CTNND2: variants seen among roughly 807,000 people sequenced by gnomAD.
The protein encoded by CTNND2 is catenin delta 2.
CTNND2 carries 22 observed loss-of-function variants against 144.4 expected under a neutral mutation model. The observed-to-expected ratio is 0.15, with a 90% CI of 0.11 to 0.22. The LOEUF (loss-of-function observed/expected upper bound fraction) is 0.22, where lower values mean the gene tolerates loss of function less well. Among genes scored for constraint, CTNND2 ranks in the 10% least tolerant of loss-of-function variants. CTNND2 has a pLI of 1.00. For missense variants in CTNND2, 1,353 were observed against 1,618.8 expected (o/e 0.84, Z 2.82); for synonymous variants, 751 against 695.6 (o/e 1.08, Z -1.25).
At chr5:11,112,128 C>T (rs1010162807) in intron 13 of CTNND2, among the ~76,000 whole-genome samples, 2 of 152,172 alleles carry the variant, frequency 1.3e-5, no homozygotes, top group African/African-American at 4.8e-5. Flanking sequence ...GGATTACAGT[C>T]GTGAGCCACC....
At chr5:11,546,613 A>G (rs1034884) in intron 3 of CTNND2, among the ~76,000 whole-genome samples, 34,047 of 152,158 alleles carry the variant, frequency 0.22, 4,662 homozygotes, top group African/African-American at 0.39. Context: ...TTTTTTAAAA[A>G]AAAGAACATT....
At position 11,311,329 on chromosome 5, in the gene CTNND2, GC is replaced by G. The variant is rs1750821803; in HGVS notation, c.1628+35042del. 1.4e-3 allele frequency among the ~76,000 whole-genome samples: 89 copies of G among 63,720 alleles called. 1 individual carries two copies. The highest frequency in any genetic ancestry group is 1.9e-3 in the African/African-American group (33 of 17,236). 41.8% of individuals were successfully genotyped at this position (63,720 alleles called of 152,430 possible). A position where few individuals can be genotyped will look rare whatever the true frequency, so the allele number is the denominator to read the frequency against. Reference sequence around the variant, plus strand: ...ATACCCACTCACCCTCACCCCACATGCCCTCACACTCCCCATACACCCTCAA... The same window carrying G: ...ATACCCACTCACCCTCACCCCACATGCCTCACACTCCCCATACACCCTCAA... On this transcript the variant is annotated intron_variant, in intron 9 of 21. Coordinates refer to ENST00000304623, the MANE Select transcript of CTNND2 (RefSeq NM_001332.4).
At chr5:11,706,892 T>C (rs1156309386) in intron 2 of CTNND2, among the ~76,000 whole-genome samples, 3 of 152,016 alleles carry the variant, frequency 2.0e-5, no homozygotes, top group Non-Finnish European at 4.4e-5. Context: ...GAGACCATCC[T>C]GGCTAACGCG....
chr5:11,090,017 T>A (rs918120358), intron 15 of CTNND2, among the ~76,000 whole-genome samples: 3 of 151,898 alleles, frequency 2.0e-5, no homozygotes, highest in African/African-American at 7.3e-5. Flanking sequence ...TCAAAAAAAA[T>A]AAATAGATAG....
intron 21 of CTNND2, 107 bp downstream of exon 21, chr5:10,981,666 T>G: frequency 8.8e-7 from 1 of 1,138,298 alleles, no homozygotes; most frequent in East Asian, 2.4e-5. Context: ...GTTGCCTTCT[T>G]TTTCAGTTCT....
In CTNND2 at chr5:10,973,135, C is replaced by T. The variant is rs576025265; in HGVS notation, c.*318G>A. The T allele has an allele frequency of 1.3e-5, 3 of 236,932 alleles. No homozygotes were observed. Among genetic ancestry groups the T allele is most frequent in the Admixed American group, 5.2e-5 (1 of 19,402 alleles). The allele number at this position is 236,932 out of a possible 1,614,324, so 14.7% of individuals were successfully genotyped here. On this transcript the variant is annotated 3_prime_UTR_variant, in exon 22 of 22. Transcript: ENST00000304623. The surrounding 1 kb of genome is among the most constrained non-coding windows in gnomAD (Gnocchi z 5.6). ...CTTAACGATAACCCTTACGCCCCAC[C>T]GGCCCGAATGCCTCGTCTCTCCTCC... is the stretch of plus-strand genomic sequence containing the variant.
At chr5:11,626,717 C>T (rs1781174601) in intron 2 of CTNND2, among the ~76,000 whole-genome samples, 1 of 152,146 alleles carries the variant, frequency 6.6e-6, no homozygotes, top group African/African-American at 2.4e-5. Context: ...ATCACATCCA[C>T]AGAAATATAC....
intron 9 of CTNND2, among the ~76,000 whole-genome samples, chr5:11,292,592 ACTCT>A (rs1324119128): frequency 6.6e-6 from 1 of 151,476 alleles, no homozygotes; most frequent in Non-Finnish European, 1.5e-5. Context: ...TCCTTCACAC[ACTCT>A]CTCTTGCCTG....
At chr5:11,287,573 A>T (rs1747881732) in intron 9 of CTNND2, among the ~76,000 whole-genome samples, 1 of 152,244 alleles carries the variant, frequency 6.6e-6, no homozygotes, top group Admixed American at 6.5e-5. Flanking sequence ...ACATATATGA[A>T]TGGCATCCTT....
At chr5:11,461,839 G>A (rs1766252259) in intron 3 of CTNND2, among the ~76,000 whole-genome samples, 1 of 152,190 alleles carries the variant, frequency 6.6e-6, no homozygotes, top group Non-Finnish European at 1.5e-5. Context: ...GATTCTCAGA[G>A]ATACTGTGCA....
intron 10 of CTNND2, 29 bp downstream of exon 10, chr5:11,236,662 A>C: frequency 6.2e-7 from 1 of 1,612,242 alleles, no homozygotes; most frequent in Non-Finnish European, 8.5e-7. Context: ...ATCTGACACC[A>C]ATCATTTCAG....
intron 9 of CTNND2, among the ~76,000 whole-genome samples, chr5:11,243,552 C>T (rs1035165013): frequency 2.0e-5 from 3 of 152,202 alleles, no homozygotes; most frequent in African/African-American, 4.8e-5. Context: ...AAACTCGTAA[C>T]TCTCATTTGT....
intron 9 of CTNND2, among the ~76,000 whole-genome samples, chr5:11,324,456 T>A (rs1211868981): frequency 6.6e-6 from 1 of 152,184 alleles, no homozygotes; most frequent in Non-Finnish European, 1.5e-5. Flanking sequence ...CATATACTCG[T>A]TTTTTGTTGA....
intron 3 of CTNND2, among the ~76,000 whole-genome samples, chr5:11,504,090 A>T (rs1248100043): frequency 1.3e-5 from 2 of 152,230 alleles, no homozygotes; most frequent in Non-Finnish European, 2.9e-5. Context: ...TATCACCGAC[A>T]TTCTCTGGAA....
intron 12 of CTNND2, among the ~76,000 whole-genome samples, chr5:11,157,311 T>C (rs1254066362): frequency 6.6e-6 from 1 of 152,216 alleles, no homozygotes; most frequent in African/African-American, 2.4e-5. Flanking sequence ...TCCATGATGC[T>C]TTCCCATTGC....
intron 1 of CTNND2, among the ~76,000 whole-genome samples, chr5:11,853,487 T>C (rs1050562813): frequency 4.6e-5 from 7 of 152,144 alleles, no homozygotes; most frequent in East Asian, 1.9e-4. Context: ...CTGGTGACTT[T>C]AAATATCACA....
chr5:11,715,604 T>G (rs977702038), intron 2 of CTNND2, among the ~76,000 whole-genome samples: 1 of 152,178 alleles, frequency 6.6e-6, no homozygotes, highest in African/African-American at 2.4e-5. Context: ...GGGAATTCAG[T>G]TCTAGGAGGC....
chr5:11,177,518 G>A (rs902673553), intron 11 of CTNND2, among the ~76,000 whole-genome samples: 1 of 151,838 alleles, frequency 6.6e-6, no homozygotes, highest in African/African-American at 2.4e-5. Flanking sequence ...TTTTAATATA[G>A]AAAAATTAAT....
intron 10 of CTNND2, among the ~76,000 whole-genome samples, chr5:11,203,518 C>A (rs1219888013): frequency 6.6e-6 from 1 of 152,198 alleles, no homozygotes; most frequent in Non-Finnish European, 1.5e-5. Context: ...TCTTGGCTCA[C>A]TGCAACCTCC....
Sources: allele counts gnomAD v4.1 joint callset (sites outside exome capture counted in the v4.1 genomes callset), GRCh38; gene constraint gnomAD v4.1.1; non-coding constraint Gnocchi (gnomAD v3.1); transcripts MANE v1.5; gene names NCBI Gene and HGNC (gene_info 2026-07-23, HGNC 2026-07-21).